SMC5: variants seen among roughly 807,000 people sequenced by gnomAD.
SMC5 encodes structural maintenance of chromosomes protein 5.
In SMC5, 88 loss-of-function variants were observed where a neutral mutation model predicts 148.3. That is an observed-to-expected ratio of 0.59 (90% CI 0.50 to 0.71). SMC5 has a LOEUF of 0.71. Ranked by LOEUF, SMC5 falls within the 30% of genes least tolerant of loss-of-function variation. The probability of loss-of-function intolerance (pLI) is 0.00; values close to 1 mark genes in which losing one functional copy is unlikely to be tolerated. For missense variants in SMC5, 1,142 were observed against 1,298.9 expected (o/e 0.88, Z 1.86); for synonymous variants, 421 against 432.8 (o/e 0.97, Z 0.34).
chr9:70,328,965 C>A (rs1564063477), intron 17 of SMC5, among the ~76,000 whole-genome samples: 1 of 152,220 alleles, frequency 6.6e-6, no homozygotes, highest in South Asian at 2.1e-4. Context: ...ACTTGCACCC[C>A]CTGAAGTAAT....
rs1236087851 is a variant in SMC5 at position 70,352,245 on chromosome 9, G to T, written c.3220G>T (p.Gly1074Cys). Residue 1074 changes from glycine (G) to cysteine (C), a missense_variant, in exon 25 of 25, where the codon GGC becomes TGC. Gly to Cys is a radical substitution (Grantham distance 159). Coordinates refer to ENST00000361138, the MANE Select transcript of SMC5 (RefSeq NM_015110.4). ...EKMTVLFVYN[G>C]PHMLEPNTWN... The stretch of plus-strand genomic sequence containing the variant: ...GATGACAGTTTTGTTTGTCTACAAT[G>T]GCCCTCATATGCTGGAACCAAACAC... 6.2e-6 allele frequency: 10 copies of T among 1,613,434 alleles called. No homozygotes were observed. Among genetic ancestry groups the T allele is most frequent in the Non-Finnish European group, 7.6e-6 (9 of 1,179,748 alleles).
intron 17 of SMC5, among the ~76,000 whole-genome samples, chr9:70,330,566 T>C (rs1392079673): frequency 1.4e-5 from 2 of 142,474 alleles, no homozygotes; most frequent in African/African-American, 5.3e-5. Flanking sequence ...TTTTTTTTTT[T>C]CAAGACAGAG....
At chr9:70,300,948 G>A (rs1457822094) in intron 10 of SMC5, among the ~76,000 whole-genome samples, 8 of 151,928 alleles carry the variant, frequency 5.3e-5, no homozygotes, top group Non-Finnish European at 1.0e-4. Flanking sequence ...TTCAGGATTC[G>A]TGAAAAATTC....
At chr9:70,342,495 C>A (rs1587715890) in intron 17 of SMC5, among the ~76,000 whole-genome samples, 1 of 152,038 alleles carries the variant, frequency 6.6e-6, no homozygotes, top group African/African-American at 2.4e-5. Context: ...ATATCCCCCA[C>A]CCCCAGCTGT....
intron 17 of SMC5, among the ~76,000 whole-genome samples, chr9:70,335,561 G>A (rs1279556752): frequency 6.6e-6 from 1 of 152,188 alleles, no homozygotes; most frequent in African/African-American, 2.4e-5. Context: ...ATTATGGTAT[G>A]TGGAATATTA....
At position 70,352,200 on chromosome 9, in the gene SMC5, A is replaced by G. The variant is rs770468980; in HGVS notation, c.3175A>G (p.Asn1059Asp). The change falls in exon 25 of 25, where the codon AAT (asparagine) becomes GAT (aspartate). Residue 1059 changes from asparagine (N) to aspartate (D), a missense_variant. By Grantham distance (23) the Asn-to-Asp change is conservative. This residue lies in a region of SMC5 where 63 missense variants were observed against 65.7 expected (regional missense o/e 0.96). Transcript: ENST00000361138. ...GTTTTAATACTTACAGCTCCTGCAA[A>G]ATCTTCCTTATTCTGAAAAGATGAC... ...YFFITPKLLQNLPYSEKMTVL... is the reference protein window; with the variant it reads ...YFFITPKLLQDLPYSEKMTVL... The G allele has an allele frequency of 1.9e-6, 3 of 1,607,834 alleles. No individual in the cohort carries two copies. In the East Asian group the frequency reaches 6.7e-5, roughly 36 times the overall value.
intron 8 of SMC5, among the ~76,000 whole-genome samples, chr9:70,295,978 G>A (rs1452412299): frequency 6.6e-6 from 1 of 151,996 alleles, no homozygotes; most frequent in Non-Finnish European, 1.5e-5. Flanking sequence ...CATTGTTAAT[G>A]TTCAGTGACA....
chr9:70,347,011 A>G, intron 19 of SMC5, 55 bp from the exon 20 acceptor site: 1 of 1,306,508 alleles, frequency 7.7e-7, no homozygotes, highest in Non-Finnish European at 1.1e-6. Context: ...TCTTTTAACT[A>G]TTTGAATGGA....
At chr9:70,305,388 A>G (rs753590174) in intron 11 of SMC5, 28 bp downstream of exon 11, 2 of 1,294,522 alleles carry the variant, frequency 1.5e-6, no homozygotes, top group Non-Finnish European at 2.2e-6. Flanking sequence ...CAACACTTTG[A>G]TTCACTTGAC....
At chr9:70,349,786 A>C (rs1279604350) in intron 22 of SMC5, among the ~76,000 whole-genome samples, 3 of 152,210 alleles carry the variant, frequency 2.0e-5, no homozygotes, top group Non-Finnish European at 4.4e-5. Context: ...TTGAGGACAG[A>C]GTTCCTCGCT....
At chr9:70,318,155 G>A (rs2035853203) in intron 13 of SMC5, among the ~76,000 whole-genome samples, 1 of 152,274 alleles carries the variant, frequency 6.6e-6, no homozygotes, top group African/African-American at 2.4e-5. Flanking sequence ...GACCCAGGCG[G>A]GAGAATCTCA....
Position 70,259,152 on chromosome 9 carries a change from C to A in SMC5, c.74C>A (p.Ser25Ter). ...AAGAGAGCTCTCCCGAGAGACCCTTCGTCGGAGGTCCCGAGCAAGAGGAAG... is the reference window on the plus strand; with the variant it reads ...AAGAGAGCTCTCCCGAGAGACCCTTAGTCGGAGGTCCCGAGCAAGAGGAAG... ...PSKRALPRDP[S>*]SEVPSKRKNS... The change falls in exon 1 of 25, where the codon TCG becomes TAG. Residue 25 changes from serine to a stop codon, truncating the protein, a stop_gained. Transcript: ENST00000361138. LOFTEE classifies it high-confidence loss of function. 6.2e-7 allele frequency: 1 copy of A among 1,612,490 alleles called. No homozygotes were observed. Among genetic ancestry groups the A allele is most frequent in the East Asian group, 2.2e-5 (1 of 44,840 alleles).
chr9:70,336,213 C>T (rs190977465), intron 17 of SMC5, among the ~76,000 whole-genome samples: 227 of 152,150 alleles, frequency 1.5e-3, no homozygotes, highest in African/African-American at 5.1e-3. Flanking sequence ...GAAATGTAGA[C>T]ATAGGACTGC....
At position 70,295,232 on chromosome 9, in the gene SMC5, A is replaced by G. The variant is rs371309031; in HGVS notation, c.1054-2734A>G. On this transcript the variant is annotated intron_variant, in intron 8 of 24. Transcript: ENST00000361138. ...TGTAATCCCAGCACTTCGGGAGGCC[A>G]AGGCGGGCGGATCACGAGGTCAGGA... Among the ~76,000 whole-genome samples the G allele has an allele frequency of 4.6e-4, 70 of 151,930 alleles. 1 individual carries two copies. The East Asian group carries it at 0.013, about 28-fold the overall frequency.
chr9:70,299,914 C>A, intron 9 of SMC5, 132 bp from the exon 10 acceptor site: 1 of 634,286 alleles, frequency 1.6e-6, no homozygotes, highest in Non-Finnish European at 2.4e-6. Flanking sequence ...ACATATTTTC[C>A]ACTATGGGAG....
chr9:70,326,376 C>T (rs556524597), intron 17 of SMC5, among the ~76,000 whole-genome samples: 6 of 151,906 alleles, frequency 3.9e-5, no homozygotes, highest in East Asian at 1.9e-4. Flanking sequence ...TGAAAACTTA[C>T]GTAAATGGAT....
intron 15 of SMC5, among the ~76,000 whole-genome samples, chr9:70,322,382 C>G (rs904175135): frequency 6.6e-6 from 1 of 152,182 alleles, no homozygotes; most frequent in Non-Finnish European, 1.5e-5. Flanking sequence ...ACTTTTCATA[C>G]GTGTTACTAG....
At chr9:70,292,030 T>C (rs1197188043) in intron 8 of SMC5, among the ~76,000 whole-genome samples, 1 of 152,164 alleles carries the variant, frequency 6.6e-6, no homozygotes, top group Non-Finnish European at 1.5e-5. Flanking sequence ...TTACTGAGAT[T>C]CAGCCATTTT....
At chr9:70,294,738 T>C (rs1197071946) in intron 8 of SMC5, among the ~76,000 whole-genome samples, 1 of 152,198 alleles carries the variant, frequency 6.6e-6, no homozygotes, top group Non-Finnish European at 1.5e-5. Flanking sequence ...CTCTGTTCAC[T>C]AGACAGGTGG....
Sources: allele counts gnomAD v4.1 joint callset (sites outside exome capture counted in the v4.1 genomes callset), GRCh38; gene constraint gnomAD v4.1.1; regional missense constraint gnomAD v4.1.1; transcripts MANE v1.5; gene names NCBI Gene and HGNC (gene_info 2026-07-23, HGNC 2026-07-21).